Variants in GPC6 observed in about 807,000 individuals in gnomAD.
The protein encoded by GPC6 is glypican 6, also known as glypican-6.
Under a neutral mutation model 55.2 loss-of-function variants are expected in GPC6, and 14 were observed. The ratio of observed to expected loss-of-function variants is 0.25; its 90% CI spans 0.17 to 0.40. GPC6 has a LOEUF of 0.40. Among genes scored for constraint, GPC6 ranks in the 10% least tolerant of loss-of-function variants. The pLI is 1.00. For synonymous variants in GPC6, 278 were observed against 259.6 expected, an observed-to-expected ratio of 1.07 and a Z score of -0.68; for missense variants, 641 against 708.5, an observed-to-expected ratio of 0.90 and a Z score of 1.08.
chr13:93,947,523 C>G (rs1879065847), intron 3 of GPC6, among the ~76,000 whole-genome samples: 1 of 152,072 alleles, frequency 6.6e-6, no homozygotes, highest in Non-Finnish European at 1.5e-5. Flanking sequence ...TAAAATTTAT[C>G]AACATGAACA....
chr13:93,472,426 C>T (rs1217681999), intron 1 of GPC6, among the ~76,000 whole-genome samples: 1 of 152,134 alleles, frequency 6.6e-6, no homozygotes, highest in South Asian at 2.1e-4. Context: ...TGGGGTCCGG[C>T]CACTGTGCTG....
chr13:93,416,647 C>T (rs980776611), intron 1 of GPC6, among the ~76,000 whole-genome samples: 9 of 152,140 alleles, frequency 5.9e-5, no homozygotes, highest in East Asian at 3.9e-4. Flanking sequence ...ATACATTCTT[C>T]GAAACTATTT....
Position 94,357,205 on chromosome 13 carries a change from G to A in GPC6, c.1153-25209G>A, listed in dbSNP as rs369243924. Among the ~76,000 whole-genome samples the A allele has an allele frequency of 7.2e-5, 11 of 152,258 alleles. No individual in the cohort carries two copies. In the East Asian group the frequency reaches 1.2e-3, roughly 16 times the overall value. On this transcript the variant is annotated intron_variant, in intron 6 of 8. Coordinates refer to ENST00000377047, the MANE Select transcript of GPC6 (RefSeq NM_005708.5). ...GCCCACTTCTCTGGCCCCAACTCCTGCCTCTCCAACATATGCACTTTGCCT... is the reference window on the plus strand; with the variant it reads ...GCCCACTTCTCTGGCCCCAACTCCTACCTCTCCAACATATGCACTTTGCCT...
intron 4 of GPC6, among the ~76,000 whole-genome samples, chr13:94,279,070 C>CT (rs1483686232): frequency 6.6e-6 from 1 of 151,918 alleles, no homozygotes; most frequent in Non-Finnish European, 1.5e-5. Flanking sequence ...TGGTCCTGGG[C>CT]TTTTTTTGGT....
chr13:93,518,367 G>A (rs532830500), intron 1 of GPC6, among the ~76,000 whole-genome samples: 4 of 151,526 alleles, frequency 2.6e-5, no homozygotes, highest in Non-Finnish European at 2.9e-5. Context: ...ATCTAGTTCC[G>A]TCAACTCTTC....
intron 1 of GPC6, among the ~76,000 whole-genome samples, chr13:93,314,581 G>T (rs1245499568): frequency 6.6e-6 from 1 of 152,122 alleles, no homozygotes; most frequent in Non-Finnish European, 1.5e-5. Flanking sequence ...CTGGGATTTA[G>T]GAGACCTTGG....
chr13:93,686,214 A>G (rs929809460), intron 2 of GPC6, among the ~76,000 whole-genome samples: 1 of 152,164 alleles, frequency 6.6e-6, no homozygotes, highest in African/African-American at 2.4e-5. Context: ...TTCACCTTCA[A>G]TGCGACATAA....
intron 3 of GPC6, among the ~76,000 whole-genome samples, chr13:93,841,684 C>T (rs921659889): frequency 1.3e-5 from 2 of 152,130 alleles, no homozygotes. Flanking sequence ...CATCAAATGA[C>T]CCTTAAGTGG....
rs1555287675 is a variant in GPC6, at chr13:93,285,632, G to GTGTGTGTGTGTA, written c.160+58027_160+58028insATGTGTGTGTGT. On this transcript the variant is annotated intron_variant, in intron 1 of 8. Coordinates refer to ENST00000377047, the MANE Select transcript of GPC6 (RefSeq NM_005708.5). ...TATATACTGCTGTGTGTGTGTGTGT[G>GTGTGTGTGTGTA]TGTGTGTGTGTGTGTGTGTGTGTGT... Among the ~76,000 whole-genome samples, 206 of 142,310 alleles carry GTGTGTGTGTGTA rather than the reference G, an allele frequency of 1.4e-3. 1 individual carries two copies. Among genetic ancestry groups the GTGTGTGTGTGTA allele is most frequent in the African/African-American group, 4.9e-3 (186 of 37,802 alleles). 93.4% of individuals were successfully genotyped at this position (142,310 alleles called of 152,430 possible).
At position 93,365,154 on chromosome 13, in the gene GPC6, C is replaced by T. The variant is rs1278543926; in HGVS notation, c.160+137538C>T. Among the ~76,000 whole-genome samples the T allele has an allele frequency of 2.6e-5, 4 of 152,082 alleles. 1 individual carries two copies. The highest frequency in any genetic ancestry group is 6.3e-3 in the Middle Eastern group (2 of 316). Reference sequence around the variant, plus strand: ...GACCAGCATGTTTGACTGGCTGATGCGTTCCCACAGTAAACTGCAAGTTTA... The same window carrying T: ...GACCAGCATGTTTGACTGGCTGATGTGTTCCCACAGTAAACTGCAAGTTTA... On this transcript the variant is annotated intron_variant, in intron 1 of 8. Transcript: ENST00000377047.
chr13:94,330,749 T>C (rs930593248), intron 6 of GPC6, among the ~76,000 whole-genome samples: 8 of 152,180 alleles, frequency 5.3e-5, no homozygotes, highest in African/African-American at 1.9e-4. Context: ...CTGTGCTCCA[T>C]GTTTTTCCCT....
chr13:93,995,921 A>C (rs1478320525), intron 3 of GPC6, among the ~76,000 whole-genome samples: 1 of 152,180 alleles, frequency 6.6e-6, no homozygotes, highest in East Asian at 1.9e-4. Flanking sequence ...ATCCCCAGAA[A>C]AGATGAGTGA....
At chr13:93,951,669 G>A (rs1020743504) in intron 3 of GPC6, among the ~76,000 whole-genome samples, 2 of 151,986 alleles carry the variant, frequency 1.3e-5, no homozygotes, top group Non-Finnish European at 2.9e-5. Context: ...TTCTTCATCC[G>A]TATAGTAATG....
chr13:94,337,139 C>T (rs1482883742), intron 6 of GPC6, among the ~76,000 whole-genome samples: 1 of 152,126 alleles, frequency 6.6e-6, no homozygotes, highest in Non-Finnish European at 1.5e-5. Flanking sequence ...ACACATTTGC[C>T]CTCATTTCTT....
At chr13:93,550,817 G>C (rs1875117660) in intron 2 of GPC6, among the ~76,000 whole-genome samples, 1 of 152,036 alleles carries the variant, frequency 6.6e-6, no homozygotes, top group Non-Finnish European at 1.5e-5. Context: ...ATTTCTATTT[G>C]AAAACATTCA....
intron 4 of GPC6, among the ~76,000 whole-genome samples, chr13:94,080,975 A>G (rs1885077489): frequency 6.6e-6 from 1 of 152,148 alleles, no homozygotes; most frequent in Non-Finnish European, 1.5e-5. Flanking sequence ...CTTCTGATGA[A>G]CCTCATTGAT....
intron 1 of GPC6, among the ~76,000 whole-genome samples, chr13:93,508,572 A>G (rs575109259): frequency 2.8e-4 from 42 of 152,350 alleles, no homozygotes; most frequent in African/African-American, 9.9e-4. Context: ...AAGGACAGAC[A>G]TGATTTTACT....
intron 3 of GPC6, among the ~76,000 whole-genome samples, chr13:93,977,482 G>A: frequency 7.2e-6 from 1 of 138,484 alleles, no homozygotes; most frequent in East Asian, 2.1e-4. Flanking sequence ...GTGTGTGTGT[G>A]TGTGTGTGTG....
At chr13:94,294,455 A>T (rs1453714619) in intron 5 of GPC6, among the ~76,000 whole-genome samples, 1 of 151,494 alleles carries the variant, frequency 6.6e-6, no homozygotes, top group Non-Finnish European at 1.5e-5. Flanking sequence ...AAAAAAAAAA[A>T]ACCCTAAGAG....
Sources: allele counts gnomAD v4.1 joint callset (sites outside exome capture counted in the v4.1 genomes callset), GRCh38; gene constraint gnomAD v4.1.1; transcripts MANE v1.5; gene names NCBI Gene and HGNC (gene_info 2026-07-23, HGNC 2026-07-21).